TMEM131L: variants seen among roughly 807,000 people sequenced by gnomAD.
TMEM131L encodes transmembrane 131 like.
TMEM131L carries 54 observed loss-of-function variants against 192.2 expected under a neutral mutation model. That is an observed-to-expected ratio of 0.28 (90% CI 0.23 to 0.35). The LOEUF (loss-of-function observed/expected upper bound fraction) is 0.35, where lower values mean the gene tolerates loss of function less well. Ranked by LOEUF, TMEM131L falls within the 10% of genes least tolerant of loss-of-function variation. The pLI, the probability that TMEM131L is intolerant of heterozygous loss-of-function variation, is 1.00. For synonymous variants in TMEM131L, 701 were observed against 704.9 expected (o/e 0.99, Z 0.09); for missense variants, 1,888 against 1,972.9 (o/e 0.96, Z 0.82).
At position 153,604,092 on chromosome 4, in the gene TMEM131L, G is replaced by A. The variant is rs1172298835; in HGVS notation, c.3080G>A (p.Arg1027His). 20 of 1,614,076 alleles carry A rather than the reference G, an allele frequency of 1.2e-5. No individual in the cohort carries two copies. Among genetic ancestry groups the A allele is most frequent in the Admixed American group, 1.2e-4 (7 of 60,000 alleles). The part of the protein sequence containing the change: ...AKEDICTDAM[R>H]ENWISLRYAS... ...GAGGACATTTGCACTGATGCCATGC[G>A]TGAGAACTGGATCAGCCTCAGATAT... Residue 1027 changes from arginine (R) to histidine (H), a missense_variant, in exon 25 of 35, where the codon CGT becomes CAT. By Grantham distance (29) the Arg-to-His change is conservative (BLOSUM62 0). Coordinates refer to ENST00000409959, the MANE Select transcript of TMEM131L (RefSeq NM_001131007.2).
intron 3 of TMEM131L, among the ~76,000 whole-genome samples, chr4:153,494,685 G>A (rs533258107): frequency 1.3e-5 from 2 of 152,246 alleles, no homozygotes; most frequent in African/African-American, 4.8e-5. Flanking sequence ...CCTTGCCTAT[G>A]GCTGTCTCAC....
In TMEM131L at chr4:153,620,874, T is replaced by G; in HGVS notation, c.3686T>G (p.Val1229Gly). Residue 1229 changes from valine to glycine, a missense_variant, in exon 27 of 35, where the codon GTC (valine) becomes GGC (glycine). Physicochemically the swap from Val to Gly is moderately radical, Grantham distance 109. Coordinates refer to ENST00000409959, the MANE Select transcript of TMEM131L (RefSeq NM_001131007.2). Reference sequence around the variant, plus strand: ...AACAAGAAAAGGGGTGTTGCTCCAGTCTCAAGGTGCGTAATTCTTACTATC... The same window carrying G: ...AACAAGAAAAGGGGTGTTGCTCCAGGCTCAAGGTGCGTAATTCTTACTATC... The part of the protein sequence containing the change: ...RKNKKRGVAP[V>G]SRPPEQSDLK... 6.3e-7 allele frequency: 1 copy of G among 1,587,498 alleles called. No individual in the cohort carries two copies. The highest frequency in any genetic ancestry group is 1.2e-5 in the South Asian group (1 of 85,340).
chr4:153,561,522 C>A (rs28379256), intron 7 of TMEM131L, among the ~76,000 whole-genome samples: 1 of 152,128 alleles, frequency 6.6e-6, no homozygotes, highest in Admixed American at 6.5e-5. Flanking sequence ...GACCCATCCT[C>A]ACTTTAAGTT....
intron 3 of TMEM131L, among the ~76,000 whole-genome samples, chr4:153,493,255 A>G (rs554099377): frequency 3.2e-4 from 47 of 149,202 alleles, no homozygotes; most frequent in African/African-American, 1.1e-3. Flanking sequence ...CTGAGGGAGG[A>G]GAATGGAATG....
intron 7 of TMEM131L, among the ~76,000 whole-genome samples, chr4:153,566,207 C>G (rs527416212): frequency 1.5e-3 from 224 of 151,822 alleles, no homozygotes; most frequent in African/African-American, 5.1e-3. Flanking sequence ...GCAATCTCGG[C>G]TCACTGCAAG....
intron 3 of TMEM131L, among the ~76,000 whole-genome samples, chr4:153,546,876 G>T (rs532604181): frequency 6.6e-6 from 1 of 152,202 alleles, no homozygotes; most frequent in Non-Finnish European, 1.5e-5. Context: ...GCAGTGAGCC[G>T]AGTTCATGCT....
intron 3 of TMEM131L, among the ~76,000 whole-genome samples, chr4:153,538,882 G>A (rs1245275950): frequency 6.6e-6 from 1 of 152,126 alleles, no homozygotes; most frequent in East Asian, 1.9e-4. Context: ...AGGTGGAGAC[G>A]TTTGTTTTCC....
At position 153,603,465 on chromosome 4, in the gene TMEM131L, A is replaced by G. The variant is rs769333222; in HGVS notation, c.2789+13A>G. 3 of 1,610,930 alleles carry G rather than the reference A, an allele frequency of 1.9e-6. No individual in the cohort carries two copies. The highest frequency in any genetic ancestry group is 2.5e-6 in the Non-Finnish European group (3 of 1,178,734). On this transcript the variant is annotated intron_variant, in intron 24 of 34. Coordinates refer to ENST00000409959, the MANE Select transcript of TMEM131L (RefSeq NM_001131007.2). ...CCCATTCTTACAAGTAAGAATTCTTATAGTGTGGTTGGGAGCGGGGGCGGT... is the reference window on the plus strand; with the variant it reads ...CCCATTCTTACAAGTAAGAATTCTTGTAGTGTGGTTGGGAGCGGGGGCGGT...
chr4:153,583,711 A>G (rs758006990), intron 11 of TMEM131L, 39 bp downstream of exon 11: 2 of 1,206,126 alleles, frequency 1.7e-6, no homozygotes, highest in Admixed American at 4.0e-5. Flanking sequence ...GACTTTTGTT[A>G]TCTGGTTGTC....
chr4:153,483,168 T>C (rs1383337214), intron 3 of TMEM131L, among the ~76,000 whole-genome samples: 1 of 152,208 alleles, frequency 6.6e-6, no homozygotes, highest in Non-Finnish European at 1.5e-5. Flanking sequence ...TACGTAAATG[T>C]AGTGATGCAG....
chr4:153,541,705 A>AAAGATG (rs1363799861), intron 3 of TMEM131L, among the ~76,000 whole-genome samples: 2 of 152,320 alleles, frequency 1.3e-5, no homozygotes, highest in East Asian at 3.9e-4. Flanking sequence ...TTTGAGCTGA[A>AAAGATG]AAGATGTTGG....
chr4:153,542,493 C>T (rs1225727101), intron 3 of TMEM131L, among the ~76,000 whole-genome samples: 3 of 152,218 alleles, frequency 2.0e-5, no homozygotes, highest in Non-Finnish European at 4.4e-5. Context: ...TCAGCCACCC[C>T]ACAGCCAGGT....
rs1175645159 is a variant in TMEM131L at position 153,626,094 on chromosome 4, A to C, written c.4046-53A>C. Reference sequence around the variant, plus strand: ...ACCTATGCATTTTAATACCGAATATACAGTTGAAGTGTACTTTTTGAAACT... The same window carrying C: ...ACCTATGCATTTTAATACCGAATATCCAGTTGAAGTGTACTTTTTGAAACT... On this transcript the variant is annotated intron_variant, in intron 29 of 34. Transcript: ENST00000409959. 2.7e-6 allele frequency: 3 copies of C among 1,110,586 alleles called. No individual in the cohort carries two copies. The East Asian group carries it at 7.1e-5, about 26-fold the overall frequency. 68.8% of individuals were successfully genotyped at this position (1,110,586 alleles called of 1,614,324 possible).
chr4:153,609,943 G>C (rs1003176671), intron 25 of TMEM131L, among the ~76,000 whole-genome samples: 1 of 152,064 alleles, frequency 6.6e-6, no homozygotes, highest in African/African-American at 2.4e-5. Flanking sequence ...CTGCTTTACT[G>C]TTTCATAGTG....
intron 4 of TMEM131L, among the ~76,000 whole-genome samples, chr4:153,554,001 C>T (rs1737822646): frequency 6.6e-6 from 1 of 152,212 alleles, no homozygotes; most frequent in Non-Finnish European, 1.5e-5. Context: ...GTCACTGGCT[C>T]TGTAGCATTG....
intron 3 of TMEM131L, among the ~76,000 whole-genome samples, chr4:153,515,247 G>T (rs1431736568): frequency 6.6e-6 from 1 of 152,158 alleles, no homozygotes; most frequent in East Asian, 1.9e-4. Context: ...GTCACTTCCT[G>T]CCCCTGGCCA....
chr4:153,583,746 A>G, intron 11 of TMEM131L, 74 bp downstream of exon 11: 1 of 846,642 alleles, frequency 1.2e-6, no homozygotes, highest in Non-Finnish European at 1.9e-6. Flanking sequence ...TTCTACAACT[A>G]CAGATTAGGC....
At chr4:153,469,298 GC>G (rs35155235) in intron 2 of TMEM131L, among the ~76,000 whole-genome samples, 59,462 of 150,442 alleles carry the variant, frequency 0.4, 13,099 homozygotes, top group African/African-American at 0.61. Flanking sequence ...TTATACCTGG[GC>G]CCAAGGGTAA....
chr4:153,568,428 T>C (rs2150582551), intron 7 of TMEM131L, among the ~76,000 whole-genome samples: 1 of 152,358 alleles, frequency 6.6e-6, no homozygotes, highest in Non-Finnish European at 1.5e-5. Flanking sequence ...TTACCTTGTC[T>C]CTTTTTATTT....
Sources: allele counts gnomAD v4.1 joint callset (sites outside exome capture counted in the v4.1 genomes callset), GRCh38; gene constraint gnomAD v4.1.1; transcripts MANE v1.5; gene names NCBI Gene and HGNC (gene_info 2026-07-23, HGNC 2026-07-21).